The following SLC35F4 variants were observed in gnomAD, a reference collection of about 807,000 sequenced individuals.
The protein encoded by SLC35F4 is chromosome 14 open reading frame 36.
A neutral mutation model predicts 44.2 loss-of-function variants in SLC35F4; 24 were observed. That is an observed-to-expected ratio of 0.54 (90% CI 0.39 to 0.76). The LOEUF is 0.76. Ranked by LOEUF, SLC35F4 falls within the 30% of genes least tolerant of loss-of-function variation. SLC35F4 has a pLI of 0.00. For missense variants in SLC35F4, 562 were observed against 586.1 expected (o/e 0.96, Z 0.42); for synonymous variants, 238 against 223.6 (o/e 1.06, Z -0.57).
intron 1 of SLC35F4, among the ~76,000 whole-genome samples, chr14:57,595,563 A>G (rs186519154): frequency 3.2e-4 from 48 of 152,274 alleles, no homozygotes; most frequent in Non-Finnish European, 5.6e-4. Flanking sequence ...TTTCTTCTGT[A>G]AAGATAATTT....
chr14:57,591,295 TG>T (rs1460597813), intron 2 of SLC35F4, among the ~76,000 whole-genome samples: 3 of 67,992 alleles, frequency 4.4e-5, no homozygotes, highest in African/African-American at 7.5e-5. Context: ...GTTGAGGAGC[TG>T]GGGGGGATAT....
rs145144431 is a variant in SLC35F4, at chr14:57,757,904, T to C, written c.103+107819A>G. ...CTTCTGTTAGAGTCCCCTGTGGTTC[T>C]TCAGTTGACAAATTCTGTCAGCTTT... On this transcript the variant is annotated intron_variant, in intron 1 of 7. Transcript: ENST00000556826. 3.1e-3 allele frequency among the ~76,000 whole-genome samples: 473 copies of C among 152,244 alleles called. 3 individuals carry two copies. The highest frequency in any genetic ancestry group is 0.029 in the East Asian group (149 of 5,188).
chr14:57,778,057 C>A (rs775968365), intron 1 of SLC35F4, among the ~76,000 whole-genome samples: 4 of 152,180 alleles, frequency 2.6e-5, no homozygotes, highest in African/African-American at 4.8e-5. Flanking sequence ...ACTATGGGGA[C>A]AGGTCTTTCC....
chr14:57,654,338 C>T (rs563389076), intron 1 of SLC35F4, among the ~76,000 whole-genome samples: 10 of 152,066 alleles, frequency 6.6e-5, no homozygotes, highest in African/African-American at 1.9e-4. Flanking sequence ...TGAGAATATG[C>T]AATATTTGGT....
In SLC35F4 at chr14:57,566,569, A is replaced by G; in HGVS notation, c.1127-5T>C. The G allele has an allele frequency of 6.3e-7, 1 of 1,590,802 alleles. No homozygotes were observed. Among genetic ancestry groups the G allele is most frequent in the Non-Finnish European group, 8.6e-7 (1 of 1,167,982 alleles). On this transcript the variant is annotated splice_polypyrimidine_tract_variant and splice_region_variant and intron_variant, in intron 6 of 7. Transcript: ENST00000556826. Reference sequence around the variant, plus strand: ...CATTCACCAGGATGTTGAAGGCTGTAAAATAGAGGAGGAAATGCAAGATGA... The same window carrying G: ...CATTCACCAGGATGTTGAAGGCTGTGAAATAGAGGAGGAAATGCAAGATGA...
At chr14:57,787,006 T>C (rs1345035666) in intron 1 of SLC35F4, among the ~76,000 whole-genome samples, 3 of 151,806 alleles carry the variant, frequency 2.0e-5, no homozygotes, top group Admixed American at 2.0e-4. Flanking sequence ...TGCAAGGAAA[T>C]CCAAAAAACG....
At chr14:57,840,859 T>C (rs915214866) in intron 1 of SLC35F4, among the ~76,000 whole-genome samples, 1 of 152,208 alleles carries the variant, frequency 6.6e-6, no homozygotes, top group African/African-American at 2.4e-5. Context: ...GGTCCATGAG[T>C]ACCACTGAAA....
chr14:57,797,075 G>A (rs2078070444), intron 1 of SLC35F4, among the ~76,000 whole-genome samples: 1 of 152,144 alleles, frequency 6.6e-6, no homozygotes, highest in Non-Finnish European at 1.5e-5. Context: ...GCCCCAAAAT[G>A]CACACAAAAT....
intron 1 of SLC35F4, among the ~76,000 whole-genome samples, chr14:57,883,389 G>A (rs1203199729): frequency 2.6e-5 from 4 of 152,240 alleles, no homozygotes; most frequent in African/African-American, 7.2e-5. Flanking sequence ...TCTGCAATAG[G>A]CTTCTCACTC....
chr14:57,666,952 G>A (rs10431697), intron 1 of SLC35F4, among the ~76,000 whole-genome samples: 2,828 of 152,108 alleles, frequency 0.019, 106 homozygotes, highest in East Asian at 0.17. Context: ...TTCTAGAAAG[G>A]CCAAATGCAC....
chr14:57,898,008 A>T (rs1375962210), intron 1 of SLC35F4, among the ~76,000 whole-genome samples: 1 of 152,224 alleles, frequency 6.6e-6, no homozygotes, highest in Non-Finnish European at 1.5e-5. Flanking sequence ...TTCTTCAGGT[A>T]GCAATGAAAC....
intron 1 of SLC35F4, among the ~76,000 whole-genome samples, chr14:57,754,390 C>T (rs541158895): frequency 1.4e-4 from 21 of 152,098 alleles, no homozygotes; most frequent in Admixed American, 3.9e-4. Context: ...CAGGCTTGAG[C>T]CACCACGCCT....
intron 1 of SLC35F4, among the ~76,000 whole-genome samples, chr14:57,713,215 C>A (rs538769942): frequency 2.6e-5 from 4 of 152,282 alleles, no homozygotes; most frequent in Non-Finnish European, 5.9e-5. Flanking sequence ...ACTCATTTCC[C>A]TGCTTTCAGT....
intron 1 of SLC35F4, among the ~76,000 whole-genome samples, chr14:57,733,669 C>G (rs1250010543): frequency 6.6e-6 from 1 of 151,880 alleles, no homozygotes; most frequent in African/African-American, 2.4e-5. Flanking sequence ...AATGCAAAAG[C>G]TGAATTTCAA....
chr14:57,678,129 T>G (rs2074762846), intron 1 of SLC35F4, among the ~76,000 whole-genome samples: 1 of 152,020 alleles, frequency 6.6e-6, no homozygotes, highest in Admixed American at 6.5e-5. Flanking sequence ...GAGAGAATGG[T>G]TGGGGTACCC....
intron 1 of SLC35F4, among the ~76,000 whole-genome samples, chr14:57,942,212 A>G (rs1447733466): frequency 6.6e-6 from 1 of 152,230 alleles, no homozygotes; most frequent in African/African-American, 2.4e-5. Context: ...TTCCAGCTTA[A>G]TGTTGAGCCC....
At chr14:57,566,647 C>T (rs1425115685) in intron 6 of SLC35F4, 83 bp from the exon 7 acceptor site, 24 of 1,340,446 alleles carry the variant, frequency 1.8e-5, no homozygotes, top group Non-Finnish European at 2.3e-5. Flanking sequence ...GAATCAATGT[C>T]TTTGCTACAT....
At chr14:57,971,237 T>C (rs898651187) in intron 1 of SLC35F4, among the ~76,000 whole-genome samples, 3 of 152,238 alleles carry the variant, frequency 2.0e-5, no homozygotes, top group Non-Finnish European at 4.4e-5. Flanking sequence ...CAATTTCCTC[T>C]CTTTAATAAG....
chr14:57,614,123 T>C (rs1248170441), intron 1 of SLC35F4, among the ~76,000 whole-genome samples: 1 of 152,200 alleles, frequency 6.6e-6, no homozygotes, highest in Non-Finnish European at 1.5e-5. Context: ...TGGCTGCAGA[T>C]TGGTGCTAAC....
Sources: gnomAD v4.1 joint callset for allele counts (sites outside exome capture counted in the v4.1 genomes callset) on GRCh38, gnomAD v4.1.1 for gene constraint, MANE v1.5 for transcripts, NCBI Gene and HGNC (gene_info 2026-07-23, HGNC 2026-07-21) for gene names.